The following TBC1D22A variants were observed in gnomAD, a reference collection of about 807,000 sequenced individuals.
TBC1D22A encodes the protein TBC1 domain family member 22A, also known as putative GTPase activator.
A neutral mutation model predicts 60.2 loss-of-function variants in TBC1D22A; 38 were observed. The ratio of observed to expected loss-of-function variants is 0.63; its 90% CI spans 0.49 to 0.83. The LOEUF (loss-of-function observed/expected upper bound fraction) is 0.83, where lower values mean the gene tolerates loss of function less well. TBC1D22A is among the 40% of genes least tolerant of loss of function. The probability of loss-of-function intolerance (pLI) is 0.00; values close to 1 mark genes in which losing one functional copy is unlikely to be tolerated. For missense variants in TBC1D22A, 628 were observed against 701.0 expected (o/e 0.90, Z 1.18); for synonymous variants, 302 against 281.7 (o/e 1.07, Z -0.72).
intron 4 of TBC1D22A, among the ~76,000 whole-genome samples, chr22:46,860,838 T>G (rs1479863019): frequency 6.6e-6 from 1 of 151,880 alleles, no homozygotes; most frequent in Non-Finnish European, 1.5e-5. Flanking sequence ...ATTACACGAG[T>G]GTTTCCTGTG....
chr22:46,776,926 A>G (rs890599962), intron 1 of TBC1D22A, among the ~76,000 whole-genome samples: 1 of 151,772 alleles, frequency 6.6e-6, no homozygotes, highest in African/African-American at 2.4e-5. Flanking sequence ...TCAGCTGGGG[A>G]GTGACCCATC....
chr22:47,122,584 C>A (rs1042284426), intron 12 of TBC1D22A, among the ~76,000 whole-genome samples: 7 of 152,196 alleles, frequency 4.6e-5, no homozygotes, highest in Non-Finnish European at 8.8e-5. Context: ...CCCACTGCCC[C>A]TTAGGAGGCC....
At chr22:46,948,519 C>A (rs113398360) in intron 8 of TBC1D22A, among the ~76,000 whole-genome samples, 10 of 152,340 alleles carry the variant, frequency 6.6e-5, no homozygotes, top group African/African-American at 1.4e-4. Context: ...CTCATCCCCC[C>A]ACGGTGGGTT....
At chr22:46,902,274 C>T (rs1024781743) in intron 7 of TBC1D22A, among the ~76,000 whole-genome samples, 2 of 152,230 alleles carry the variant, frequency 1.3e-5, no homozygotes, top group Non-Finnish European at 2.9e-5. Flanking sequence ...ATTTCTTCAG[C>T]CCTGGTGGTA....
Position 47,039,935 on chromosome 22 carries a change from C to CTTTTTTTTTTTT in TBC1D22A, c.1329+2753_1329+2764dup, listed in dbSNP as rs570751261. Among the ~76,000 whole-genome samples, 93 of 77,294 alleles carry CTTTTTTTTTTTT rather than the reference C, an allele frequency of 1.2e-3. 11 individuals carry two copies. Among genetic ancestry groups the CTTTTTTTTTTTT allele is most frequent in the African/African-American group, 5.6e-3 (90 of 15,932 alleles). 50.7% of individuals were successfully genotyped at this position (77,294 alleles called of 152,430 possible). A position where few individuals can be genotyped will look rare whatever the true frequency, so the allele number is the denominator to read the frequency against. On this transcript the variant is annotated intron_variant, in intron 11 of 12. Transcript: ENST00000337137. ...CAAGGCGTCGGGGAGGTGCCACAGC[C>CTTTTTTTTTTTT]TTTTTTTTTTTTTTTTTTTTTTTTT...
chr22:46,867,627 A>G (rs1051193223), intron 4 of TBC1D22A, among the ~76,000 whole-genome samples: 18 of 152,184 alleles, frequency 1.2e-4, no homozygotes, highest in African/African-American at 4.3e-4. Context: ...AATAGCCAAA[A>G]TGGTTTTGAG....
At chr22:46,793,418 C>T in intron 2 of TBC1D22A, 83 bp from the exon 3 acceptor site, 1 of 1,374,258 alleles carries the variant, frequency 7.3e-7, no homozygotes, top group South Asian at 1.2e-5. Context: ...CTATGCCTGT[C>T]TTTTCACCTG....
At chr22:46,943,165 G>C (rs1438939364) in intron 8 of TBC1D22A, among the ~76,000 whole-genome samples, 1 of 152,092 alleles carries the variant, frequency 6.6e-6, no homozygotes, top group Admixed American at 6.5e-5. Context: ...AATGTCCTCC[G>C]AAGGGAGCTG....
At chr22:47,064,567 T>A (rs2063691883) in intron 11 of TBC1D22A, among the ~76,000 whole-genome samples, 1 of 152,246 alleles carries the variant, frequency 6.6e-6, no homozygotes, top group Admixed American at 6.5e-5. Context: ...AACGTGGCTT[T>A]AAGGCCAAGC....
chr22:46,981,743 G>T (rs2074520365), intron 9 of TBC1D22A, among the ~76,000 whole-genome samples: 1 of 152,178 alleles, frequency 6.6e-6, no homozygotes. Context: ...TAAACCTCTT[G>T]TCTTTATGAG....
chr22:46,918,235 C>T (rs191359498), intron 8 of TBC1D22A, among the ~76,000 whole-genome samples: 2 of 152,354 alleles, frequency 1.3e-5, no homozygotes, highest in Admixed American at 6.5e-5. Context: ...GTGGCCGCAT[C>T]TCTGCTCTGT....
chr22:46,879,263 C>T (rs528792392), intron 5 of TBC1D22A, among the ~76,000 whole-genome samples: 3 of 151,886 alleles, frequency 2.0e-5, no homozygotes, highest in Non-Finnish European at 4.4e-5. Context: ...GCAGCTCTGG[C>T]GCTCAGCTGC....
intron 9 of TBC1D22A, among the ~76,000 whole-genome samples, chr22:46,997,139 TG>T (rs1466893465): frequency 5.9e-5 from 9 of 152,360 alleles, no homozygotes; most frequent in African/African-American, 2.2e-4. Flanking sequence ...TAAAGTCACA[TG>T]TCCACTGTTT....
At chr22:46,876,572 AC>A (rs1373867227) in intron 4 of TBC1D22A, among the ~76,000 whole-genome samples, 1 of 151,672 alleles carries the variant, frequency 6.6e-6, no homozygotes, top group Non-Finnish European at 1.5e-5. Context: ...AGCAGTTCTG[AC>A]CCCCACATCT....
chr22:47,101,117 T>G (rs2065397607), intron 11 of TBC1D22A, among the ~76,000 whole-genome samples: 1 of 152,220 alleles, frequency 6.6e-6, no homozygotes, highest in African/African-American at 2.4e-5. Context: ...TGCTGTTTCT[T>G]TCATTAGCGA....
chr22:46,809,066 G>A (rs149920081), intron 4 of TBC1D22A, among the ~76,000 whole-genome samples: 3 of 152,326 alleles, frequency 2.0e-5, no homozygotes, highest in East Asian at 1.9e-4. Context: ...ATTTGCCTGG[G>A]CTGCCATAAG....
rs753108605 is a variant in TBC1D22A at position 46,793,616 on chromosome 22, G to A, written c.235G>A (p.Asp79Asn). The change falls in exon 3 of 13, where the codon GAT becomes AAT. Residue 79 changes from aspartate (D) to asparagine (N), a missense_variant. Coordinates refer to ENST00000337137, the MANE Select transcript of TBC1D22A (RefSeq NM_014346.5). ...SDAWDAGEDD[D>N]ELLAMAAESL... ...TGCCTGGGACGCTGGGGAGGACGAC[G>A]ATGAGCTCCTGGCCATGGCGGCGGA... 6 of 1,613,806 alleles carry A rather than the reference G, an allele frequency of 3.7e-6. No individual in the cohort carries two copies. Among genetic ancestry groups the A allele is most frequent in the South Asian group, 1.1e-5 (1 of 91,082 alleles).
intron 12 of TBC1D22A, among the ~76,000 whole-genome samples, chr22:47,124,145 G>T (rs1204479238): frequency 1.3e-5 from 2 of 152,248 alleles, no homozygotes; most frequent in Non-Finnish European, 2.9e-5. Context: ...GTCAGCGGGG[G>T]AGGGCACGCC....
chr22:46,905,502 C>G (rs2147733308), intron 7 of TBC1D22A, among the ~76,000 whole-genome samples: 1 of 152,344 alleles, frequency 6.6e-6, no homozygotes, highest in African/African-American at 2.4e-5. Context: ...TAGCCATCCC[C>G]TGGGCTAGCA....
Sources: gnomAD v4.1 joint callset for allele counts (sites outside exome capture counted in the v4.1 genomes callset) on GRCh38, gnomAD v4.1.1 for gene constraint, MANE v1.5 for transcripts, NCBI Gene and HGNC (gene_info 2026-07-23, HGNC 2026-07-21) for gene names.